NKAIN2: variants seen among roughly 807,000 people sequenced by gnomAD.
NKAIN2 encodes the protein sodium/potassium transporting ATPase interacting 2, also known as sodium/potassium-transporting ATPase subunit beta-1-interacting protein 2.
NKAIN2 carries 14 observed loss-of-function variants against 32.6 expected under a neutral mutation model. That is an observed-to-expected ratio of 0.43 (90% CI 0.28 to 0.67). NKAIN2 has a LOEUF of 0.67. NKAIN2 is among the 30% of genes least tolerant of loss of function. NKAIN2 has a pLI of 0.17. For synonymous variants in NKAIN2, 80 were observed against 87.2 expected (o/e 0.92, Z 0.46); for missense variants, 198 against 258.3 (o/e 0.77, Z 1.60).
chr6:124,369,408 T>C (rs62434746), intron 3 of NKAIN2, among the ~76,000 whole-genome samples: 5,365 of 152,214 alleles, frequency 0.035, 138 homozygotes, highest in African/African-American at 0.042. Flanking sequence ...TAAGAATTAT[T>C]TCCTATTAAG....
intron 4 of NKAIN2, among the ~76,000 whole-genome samples, chr6:124,707,954 C>T (rs1583687388): frequency 6.6e-6 from 1 of 150,854 alleles, no homozygotes. Flanking sequence ...AGGTTTTCTT[C>T]TAGGGTTTTT....
intron 1 of NKAIN2, among the ~76,000 whole-genome samples, chr6:124,085,106 G>A: frequency 6.6e-6 from 1 of 152,006 alleles, no homozygotes; most frequent in East Asian, 1.9e-4. Context: ...CCTTAATGAT[G>A]TGAAAGCAAA....
At chr6:124,220,537 GTA>G (rs3055327) in intron 1 of NKAIN2, among the ~76,000 whole-genome samples, 23 of 148,104 alleles carry the variant, frequency 1.6e-4, no homozygotes, top group Admixed American at 8.1e-4. Context: ...ACATACATAT[GTA>G]TATATATATA....
chr6:123,974,871 C>T (rs1340542264), intron 1 of NKAIN2, among the ~76,000 whole-genome samples: 8 of 152,132 alleles, frequency 5.3e-5, no homozygotes, highest in South Asian at 2.1e-4. Context: ...TTGTCTTGCT[C>T]CACAGAGAGT....
chr6:124,196,991 A>G (rs982997879), intron 1 of NKAIN2, among the ~76,000 whole-genome samples: 1 of 151,886 alleles, frequency 6.6e-6, no homozygotes, highest in Non-Finnish European at 1.5e-5. Flanking sequence ...AGAAGGTTGT[A>G]GTCTATATCA....
chr6:124,803,559 T>G (rs931086586), intron 5 of NKAIN2, among the ~76,000 whole-genome samples: 10 of 152,192 alleles, frequency 6.6e-5, no homozygotes, highest in African/African-American at 2.4e-4. Context: ...ATGTAATTTT[T>G]TAAACATTTA....
chr6:124,572,771 C>A (rs1781176944), intron 3 of NKAIN2, among the ~76,000 whole-genome samples: 1 of 152,066 alleles, frequency 6.6e-6, no homozygotes, highest in African/African-American at 2.4e-5. Context: ...ATAATTATAT[C>A]AATTAATTCC....
chr6:124,444,715 C>T (rs944957665), intron 3 of NKAIN2, among the ~76,000 whole-genome samples: 3 of 151,930 alleles, frequency 2.0e-5, no homozygotes, highest in African/African-American at 7.2e-5. Flanking sequence ...ACATGAATTT[C>T]TATCTCCTGA....
chr6:124,174,415 C>G (rs569054275), intron 1 of NKAIN2, among the ~76,000 whole-genome samples: 51 of 152,280 alleles, frequency 3.3e-4, no homozygotes, highest in African/African-American at 1.2e-3. Context: ...AAAAAGGTCA[C>G]AATCTCTACC....
chr6:124,269,939 C>T (rs767104388), intron 1 of NKAIN2, among the ~76,000 whole-genome samples: 9 of 152,146 alleles, frequency 5.9e-5, no homozygotes, highest in Non-Finnish European at 1.0e-4. Flanking sequence ...ACGAAAGAGA[C>T]GTCACCTAGA....
intron 3 of NKAIN2, among the ~76,000 whole-genome samples, chr6:124,568,427 A>G (rs1213745321): frequency 6.6e-6 from 1 of 152,190 alleles, no homozygotes; most frequent in African/African-American, 2.4e-5. Context: ...CATTTTACAT[A>G]TATCATATTT....
At chr6:124,467,478 T>G (rs1450135924) in intron 3 of NKAIN2, among the ~76,000 whole-genome samples, 1 of 152,108 alleles carries the variant, frequency 6.6e-6, no homozygotes, top group East Asian at 1.9e-4. Context: ...ATTTTCCATG[T>G]GATTTCATGC....
At chr6:124,119,470 G>C (rs975731694) in intron 1 of NKAIN2, among the ~76,000 whole-genome samples, 7 of 152,112 alleles carry the variant, frequency 4.6e-5, no homozygotes, top group Admixed American at 3.3e-4. Flanking sequence ...GTTGCTATAA[G>C]GCAAAATGTT....
At chr6:124,408,625 T>C (rs543994343) in intron 3 of NKAIN2, among the ~76,000 whole-genome samples, 7 of 152,280 alleles carry the variant, frequency 4.6e-5, no homozygotes, top group African/African-American at 1.7e-4. Flanking sequence ...TGAAGTCAGG[T>C]AGTGTGATGC....
At chr6:124,576,420 T>G (rs1460933313) in intron 3 of NKAIN2, among the ~76,000 whole-genome samples, 1 of 152,198 alleles carries the variant, frequency 6.6e-6, no homozygotes, top group African/African-American at 2.4e-5. Context: ...GTGGTCACAC[T>G]TGAACTTCTA....
At chr6:124,094,782 T>C (rs1188166256) in intron 1 of NKAIN2, among the ~76,000 whole-genome samples, 3 of 152,188 alleles carry the variant, frequency 2.0e-5, no homozygotes, top group Non-Finnish European at 4.4e-5. Flanking sequence ...GATCAAATTC[T>C]AATACTTTCT....
intron 1 of NKAIN2, among the ~76,000 whole-genome samples, chr6:124,000,134 A>G (rs1471636582): frequency 1.3e-5 from 2 of 152,086 alleles, no homozygotes; most frequent in Non-Finnish European, 2.9e-5. Context: ...CCAAAACGAC[A>G]CTTTCTTAGC....
intron 4 of NKAIN2, among the ~76,000 whole-genome samples, chr6:124,710,969 G>A (rs9401761): frequency 3.4e-5 from 5 of 147,398 alleles, no homozygotes; most frequent in East Asian, 2.0e-4. Context: ...TGGCTGGTAC[G>A]GGTTGTTCCT....
chr6:124,373,405 T>G (rs556081009), intron 3 of NKAIN2, among the ~76,000 whole-genome samples: 2 of 152,220 alleles, frequency 1.3e-5, no homozygotes, highest in South Asian at 4.1e-4. Context: ...TGGTTGCCCA[T>G]TAGACATCTC....
Sources: gnomAD v4.1 joint callset for allele counts (sites outside exome capture counted in the v4.1 genomes callset) on GRCh38, gnomAD v4.1.1 for gene constraint, MANE v1.5 for transcripts, NCBI Gene and HGNC (gene_info 2026-07-23, HGNC 2026-07-21) for gene names.